Variants in IGSF5 observed in about 807,000 individuals in gnomAD.
IGSF5 encodes immunoglobulin superfamily member 5, also known as immunoglobulin superfamily 5 like.
A neutral mutation model predicts 39.4 loss-of-function variants in IGSF5; 41 were observed. The observed-to-expected ratio is 1.04, with a 90% CI of 0.81 to 1.35. IGSF5 has a LOEUF of 1.35. Among genes scored for constraint, IGSF5 ranks in the 40% most tolerant of loss-of-function variants. The pLI is 0.00. For missense variants in IGSF5, 487 were observed against 494.6 expected (o/e 0.98, Z 0.15); for synonymous variants, 183 against 175.3 (o/e 1.04, Z -0.34).
intron 2 of IGSF5, among the ~76,000 whole-genome samples, chr21:39,751,590 G>A (rs1006371061): frequency 8.4e-5 from 11 of 131,178 alleles, no homozygotes; most frequent in African/African-American, 2.9e-4. Flanking sequence ...GGGATGGGTT[G>A]AAAGCTGAGA....
At chr21:39,744,144 C>T (rs2079960492), upstream of IGSF5, among the ~76,000 whole-genome samples, 1 of 152,130 alleles carries the variant, frequency 6.6e-6, no homozygotes, top group Admixed American at 6.5e-5. Context: ...CAGTCCTGCA[C>T]CTGTTTTCCC....
At chr21:39,741,437 T>A (rs1201987101), upstream of IGSF5, among the ~76,000 whole-genome samples, 1 of 152,206 alleles carries the variant, frequency 6.6e-6, no homozygotes, top group Non-Finnish European at 1.5e-5. Flanking sequence ...ATTTTAGCCC[T>A]AAGCATTTAA....
chr21:39,780,826 G>A (rs1028490490), intron 5 of IGSF5, among the ~76,000 whole-genome samples: 2 of 152,142 alleles, frequency 1.3e-5, no homozygotes, highest in Non-Finnish European at 2.9e-5. Context: ...AATGCTCCAG[G>A]ACTTTCCATG....
chr21:39,768,925 T>C (rs1417181128), intron 3 of IGSF5, among the ~76,000 whole-genome samples: 3 of 152,156 alleles, frequency 2.0e-5, no homozygotes, highest in African/African-American at 7.2e-5. Context: ...TATGAAGTCA[T>C]GATTGTTTTC....
the IGSF5 span, among the ~76,000 whole-genome samples, chr21:39,737,507 T>C: frequency 1.3e-3 from 204 of 152,354 alleles, no homozygotes; most frequent in African/African-American, 4.4e-3. Flanking sequence ...GGCTTCAAGC[T>C]GGAGTTCCCA....
chr21:39,720,406 TG>T, the IGSF5 span, among the ~76,000 whole-genome samples: 3 of 152,042 alleles, frequency 2.0e-5, no homozygotes, highest in Admixed American at 6.6e-5. Context: ...GACCAGTTTA[TG>T]GCCCAGGGGT....
chr21:39,763,911 A>G (rs540764188), intron 2 of IGSF5, among the ~76,000 whole-genome samples: 1 of 152,282 alleles, frequency 6.6e-6, no homozygotes, highest in African/African-American at 2.4e-5. Context: ...AAGTTCAAAG[A>G]GATCTTGGAT....
intron 2 of IGSF5, among the ~76,000 whole-genome samples, chr21:39,754,771 A>G (rs1380694141): frequency 1.3e-5 from 2 of 152,260 alleles, no homozygotes; most frequent in Non-Finnish European, 1.5e-5. Context: ...AGGGATATTC[A>G]TGAACAATAC....
intron 2 of IGSF5, among the ~76,000 whole-genome samples, chr21:39,760,067 G>A (rs1373070671): frequency 2.0e-5 from 3 of 152,094 alleles, no homozygotes; most frequent in Non-Finnish European, 2.9e-5. Context: ...ATGTTGGAAA[G>A]TCTTATGGGT....
chr21:39,770,965 T>C lies in IGSF5; in HGVS notation c.468T>C (p.Asn156=), dbSNP rs11908882. The C allele has an allele frequency of 2.5e-6, 4 of 1,608,840 alleles. No individual in the cohort carries two copies. The highest frequency in any genetic ancestry group is 1.3e-5 in the African/African-American group (1 of 74,786). Residue 156 remains asparagine, a synonymous_variant, in exon 4 of 9, where the codon AAT becomes AAC. Coordinates refer to ENST00000380588, the MANE Select transcript of IGSF5 (RefSeq NM_001080444.2). ...IPSVNLVVAE[N]EPCEVTCLPS... The stretch of plus-strand genomic sequence containing the variant: ...GTGTTAATCTTGTAGTCGCTGAGAA[T>C]GAACCTTGTGAAGTTACTTGTCTAC...
At chr21:39,716,403 C>T in the IGSF5 span, among the ~76,000 whole-genome samples, 5 of 151,886 alleles carry the variant, frequency 3.3e-5, no homozygotes, top group Non-Finnish European at 7.4e-5. Context: ...CGTAGATAAA[C>T]ACGTGTCATG....
intron 5 of IGSF5, among the ~76,000 whole-genome samples, chr21:39,782,165 C>T (rs985518066): frequency 6.6e-6 from 1 of 152,144 alleles, no homozygotes; most frequent in African/African-American, 2.4e-5. Flanking sequence ...TCTTTCTGGG[C>T]TCTCTATTCT....
At chr21:39,797,326 C>G (rs894414872) in intron 8 of IGSF5, among the ~76,000 whole-genome samples, 2 of 146,488 alleles carry the variant, frequency 1.4e-5, no homozygotes, top group African/African-American at 5.1e-5. Context: ...TCAAGCGATT[C>G]TCCTGCCCCA....
the IGSF5 span, among the ~76,000 whole-genome samples, chr21:39,714,640 G>A: frequency 1.3e-5 from 2 of 152,182 alleles, no homozygotes; most frequent in South Asian, 4.1e-4. Context: ...AGCTGCTGGT[G>A]AGCTTTGGCT....
At chr21:39,783,471 T>G (rs1464339327) in intron 5 of IGSF5, among the ~76,000 whole-genome samples, 1 of 152,208 alleles carries the variant, frequency 6.6e-6, no homozygotes, top group Non-Finnish European at 1.5e-5. Flanking sequence ...TTAGTGATGT[T>G]GAATGTTTTT....
At chr21:39,768,546 C>T (rs1013241111) in intron 3 of IGSF5, among the ~76,000 whole-genome samples, 5 of 152,146 alleles carry the variant, frequency 3.3e-5, no homozygotes, top group African/African-American at 1.2e-4. Flanking sequence ...CTGCCTTATC[C>T]ACCAATCAAT....
chr21:39,719,796 G>A, the IGSF5 span, among the ~76,000 whole-genome samples: 3 of 152,110 alleles, frequency 2.0e-5, no homozygotes, highest in South Asian at 2.1e-4. Context: ...TGTTCTTCCC[G>A]CCATGCCATA....
At chr21:39,777,419 C>T (rs376607068) in intron 4 of IGSF5, among the ~76,000 whole-genome samples, 54 of 152,330 alleles carry the variant, frequency 3.5e-4, no homozygotes, top group African/African-American at 1.3e-3. Flanking sequence ...TCTGCATGTG[C>T]AATGATATTC....
intron 7 of IGSF5, among the ~76,000 whole-genome samples, chr21:39,793,009 AT>A (rs5843978): frequency 6.6e-6 from 1 of 151,474 alleles, no homozygotes; most frequent in Non-Finnish European, 1.5e-5. Flanking sequence ...CAGCAGCCCC[AT>A]TTTTTTTGAT....
Sources: allele counts gnomAD v4.1 joint callset (sites outside exome capture counted in the v4.1 genomes callset), GRCh38; gene constraint gnomAD v4.1.1; transcripts MANE v1.5; gene names NCBI Gene and HGNC (gene_info 2026-07-23, HGNC 2026-07-21).